SYNPR: variants seen among roughly 807,000 people sequenced by gnomAD.
SYNPR encodes synaptoporin.
In SYNPR, 23 loss-of-function variants were observed where a neutral mutation model predicts 32.9. The ratio of observed to expected loss-of-function variants is 0.70; its 90% CI spans 0.50 to 0.99. The LOEUF is 0.99. SYNPR is among the 50% of genes least tolerant of loss of function. SYNPR has a pLI of 0.00. For synonymous variants in SYNPR, 146 were observed against 135.9 expected, an observed-to-expected ratio of 1.07 and a Z score of -0.52; for missense variants, 318 against 349.3, an observed-to-expected ratio of 0.91 and a Z score of 0.71.
intron 3 of SYNPR, among the ~76,000 whole-genome samples, chr3:63,271,912 A>T (rs2086538238): frequency 6.6e-6 from 1 of 152,124 alleles, no homozygotes. Flanking sequence ...TATTCTTGCT[A>T]ACCTCCAAGG....
At chr3:63,411,248 T>G (rs1212633071) in intron 2 of SYNPR, among the ~76,000 whole-genome samples, 1 of 152,002 alleles carries the variant, frequency 6.6e-6, no homozygotes, top group East Asian at 1.9e-4. Flanking sequence ...TGGTAAGGCT[T>G]GAAAAGGAGG....
In SYNPR at chr3:63,479,446, G is replaced by GCGCGCGCACACACACACACACA. The variant is rs6147854; in HGVS notation, c.85-1385_85-1384insGCGCGCACACACACACACACAC. Among the ~76,000 whole-genome samples, 1,210 of 135,834 alleles carry GCGCGCGCACACACACACACACA rather than the reference G, an allele frequency of 8.9e-3. 22 individuals carry two copies. Among genetic ancestry groups the GCGCGCGCACACACACACACACA allele is most frequent in the East Asian group, 0.073 (370 of 5,090 alleles). The allele number at this position is 135,834 out of a possible 152,430, so 89.1% of individuals were successfully genotyped here. ...AGTCACTTAAAACTGCCACACACAT[G>GCGCGCGCACACACACACACACA]CACACACACATACACACACACACAC... On this transcript the variant is annotated intron_variant, in intron 2 of 5. Transcript: ENST00000478300.
chr3:63,553,448 A>G (rs1179032929), intron 3 of SYNPR, among the ~76,000 whole-genome samples: 1 of 152,162 alleles, frequency 6.6e-6, no homozygotes, highest in Non-Finnish European at 1.5e-5. Flanking sequence ...TCCTTTGGGT[A>G]TATACCCAGT....
At position 63,616,327 on chromosome 3, in the gene SYNPR, A is replaced by G. The variant is rs376354192; in HGVS notation, c.*846A>G. 2 of 152,214 alleles carry G rather than the reference A, an allele frequency of 1.3e-5. No homozygotes were observed. The highest frequency in any genetic ancestry group is 4.8e-5 in the African/African-American group (2 of 41,456). The allele number at this position is 152,214 out of a possible 1,614,324, so 9.4% of individuals were successfully genotyped here. On this transcript the variant is annotated 3_prime_UTR_variant, in exon 6 of 6. Coordinates refer to ENST00000478300, the MANE Select transcript of SYNPR (RefSeq NM_001130003.2). Reference sequence around the variant, plus strand: ...GTGGCTCTTATCTTGTGGACCATAAATAACACGGCCCAATAACTCTTTGTG... The same window carrying G: ...GTGGCTCTTATCTTGTGGACCATAAGTAACACGGCCCAATAACTCTTTGTG...
At chr3:63,462,302 C>A (rs750681673) in intron 2 of SYNPR, among the ~76,000 whole-genome samples, 2 of 152,090 alleles carry the variant, frequency 1.3e-5, no homozygotes, top group Admixed American at 1.3e-4. Flanking sequence ...TCCTTTATCA[C>A]AATTTTATTT....
Position 63,595,861 on chromosome 3 carries a change from T to A in SYNPR, c.409-13264T>A, listed in dbSNP as rs1173564514. Among the ~76,000 whole-genome samples the A allele has an allele frequency of 1.2e-3, 83 of 69,102 alleles. 2 individuals are homozygous for A. Among genetic ancestry groups the A allele is most frequent in the African/African-American group, 4.8e-3 (82 of 17,230 alleles). The allele number at this position is 69,102 out of a possible 152,430, so 45.3% of individuals were successfully genotyped here. On this transcript the variant is annotated intron_variant, in intron 4 of 5. Transcript: ENST00000478300. ...TATATATAGTTTTATATATATATAGTTATATATATATAATTTTATATATAT... is the reference window on the plus strand; with the variant it reads ...TATATATAGTTTTATATATATATAGATATATATATATAATTTTATATATAT...
At chr3:63,469,333 G>T (rs1468105167) in intron 2 of SYNPR, among the ~76,000 whole-genome samples, 1 of 152,138 alleles carries the variant, frequency 6.6e-6, no homozygotes, top group Admixed American at 6.5e-5. Flanking sequence ...TTTAACTACA[G>T]AACAGTAGCT....
At chr3:63,339,854 A>T (rs954161815) in intron 2 of SYNPR, among the ~76,000 whole-genome samples, 2 of 152,092 alleles carry the variant, frequency 1.3e-5, no homozygotes, top group African/African-American at 4.8e-5. Context: ...ACAGGGTTTC[A>T]CTATGTTGGC....
At chr3:63,445,461 A>G (rs1056829621) in intron 2 of SYNPR, 6 of 660,822 alleles carry the variant, frequency 9.1e-6, no homozygotes, top group Non-Finnish European at 1.6e-5. Context: ...AATCTCTTCC[A>G]AGCATTAAAG....
chr3:63,497,093 C>T (rs1575676083), intron 3 of SYNPR, among the ~76,000 whole-genome samples: 2 of 152,212 alleles, frequency 1.3e-5, no homozygotes, highest in Admixed American at 6.5e-5. Context: ...CCCAATATGA[C>T]CATCACACAG....
rs185432129 is a variant in SYNPR at position 63,356,768 on chromosome 3, C to T, written c.84+78026C>T. On this transcript the variant is annotated intron_variant, in intron 2 of 5. Coordinates refer to ENST00000478300, the MANE Select transcript of SYNPR (RefSeq NM_001130003.2). ...GTTTATTGAATGTGAAACATATTTC[C>T]CTGACACAAACTTATAGGCAGCTTT... Among the ~76,000 whole-genome samples the T allele has an allele frequency of 4.0e-3, 611 of 152,286 alleles. 3 individuals are homozygous for T. The highest frequency in any genetic ancestry group is 6.0e-3 in the Non-Finnish European group (408 of 68,042).
intron 2 of SYNPR, among the ~76,000 whole-genome samples, chr3:63,430,713 C>T (rs1348845259): frequency 6.6e-6 from 1 of 152,062 alleles, no homozygotes; most frequent in Non-Finnish European, 1.5e-5. Flanking sequence ...TCTGAGAGAC[C>T]TAGATTCAGA....
intron 2 of SYNPR, among the ~76,000 whole-genome samples, chr3:63,350,536 G>A (rs1027476140): frequency 3.7e-4 from 56 of 152,308 alleles, no homozygotes; most frequent in African/African-American, 1.2e-3. Context: ...GTGTGTGTGC[G>A]TGCATATGCA....
intron 2 of SYNPR, chr3:63,267,315 A>C (rs2086498440): frequency 6.6e-6 from 1 of 152,198 alleles, no homozygotes; most frequent in Non-Finnish European, 1.5e-5. Context: ...GGGTCCTCTT[A>C]GGTTCTGCCT....
chr3:63,248,365 G>A (rs375946570), intron 1 of SYNPR, among the ~76,000 whole-genome samples: 1 of 152,064 alleles, frequency 6.6e-6, no homozygotes, highest in Non-Finnish European at 1.5e-5. Context: ...ATGAAGATAC[G>A]GGTGAAGTGT....
chr3:63,509,035 G>A (rs1701641561), intron 3 of SYNPR, among the ~76,000 whole-genome samples: 2 of 151,768 alleles, frequency 1.3e-5, no homozygotes, highest in Admixed American at 1.3e-4. Context: ...CTGGCTATGT[G>A]GTCCTAGTTT....
At chr3:63,247,200 TTAA>T (rs1553860117) in intron 1 of SYNPR, among the ~76,000 whole-genome samples, 1 of 152,120 alleles carries the variant, frequency 6.6e-6, no homozygotes, top group Non-Finnish European at 1.5e-5. Flanking sequence ...AAATAGATCA[TTAA>T]TGTTAAAATG....
intron 4 of SYNPR, among the ~76,000 whole-genome samples, chr3:63,563,096 TG>T (rs1002287969): frequency 1.3e-5 from 2 of 152,128 alleles, no homozygotes; most frequent in Non-Finnish European, 2.9e-5. Flanking sequence ...AAAGGAAAAT[TG>T]GAGGCACTTT....
At chr3:63,368,867 AT>A (rs1216172371) in intron 2 of SYNPR, among the ~76,000 whole-genome samples, 8 of 152,222 alleles carry the variant, frequency 5.3e-5, no homozygotes, top group African/African-American at 1.9e-4. Flanking sequence ...GTTGATAGAC[AT>A]TCAAACAAAG....
Sources: allele counts gnomAD v4.1 joint callset (sites outside exome capture counted in the v4.1 genomes callset), GRCh38; gene constraint gnomAD v4.1.1; transcripts MANE v1.5; gene names NCBI Gene and HGNC (gene_info 2026-07-23, HGNC 2026-07-21).